Variants in USP9X observed in about 807,000 individuals in gnomAD.
The protein encoded by USP9X is ubiquitin carboxyl-terminal hydrolase 9X.
USP9X carries 7 observed loss-of-function variants against 190.3 expected under a neutral mutation model. The ratio of observed to expected loss-of-function variants is 0.04; its 90% CI spans 0.02 to 0.07. USP9X has a LOEUF of 0.07. Among genes scored for constraint, USP9X ranks in the 10% least tolerant of loss-of-function variants. The pLI, the probability that USP9X is intolerant of heterozygous loss-of-function variation, is 1.00. For missense variants in USP9X, 1,010 were observed against 1,916.9 expected (o/e 0.53, Z 8.83); for synonymous variants, 645 against 659.5 (o/e 0.98, Z 0.34).
chrX:41,150,286 G>A (rs911724912), intron 12 of USP9X, among the ~76,000 whole-genome samples: 1 of 111,689 alleles, frequency 9.0e-6, no homozygotes, highest in African/African-American at 3.2e-5. Flanking sequence ...GGGAAGAGGT[G>A]AAGTAACTGA....
intron 20 of USP9X, 106 bp downstream of exon 20, chrX:41,170,725 T>G (rs1032027460): frequency 1.4e-5 from 11 of 804,383 alleles, no homozygotes; most frequent in African/African-American, 2.1e-5. Flanking sequence ...GCTTACAGTT[T>G]AATGAGACAA....
chrX:41,103,348 A>G (rs2062047966), intron 1 of USP9X, among the ~76,000 whole-genome samples: 1 of 112,393 alleles, frequency 8.9e-6, no homozygotes, highest in Non-Finnish European at 1.9e-5. Context: ...TAGTACATGC[A>G]TTTTTGGATT....
intron 30 of USP9X, among the ~76,000 whole-genome samples, chrX:41,199,603 A>T (rs1270638492): frequency 1.8e-5 from 2 of 110,264 alleles, no homozygotes; most frequent in African/African-American, 6.6e-5. Context: ...CTAATATTGT[A>T]TTTTTAGTAG....
At chrX:41,201,491 A>G (rs1399253434) in intron 31 of USP9X, among the ~76,000 whole-genome samples, 1 of 111,365 alleles carries the variant, frequency 9.0e-6, no homozygotes, top group Non-Finnish European at 1.9e-5. Flanking sequence ...GCAGTGAGCC[A>G]TGATCATGCC....
At chrX:41,119,547 G>A (rs980920339) in intron 1 of USP9X, among the ~76,000 whole-genome samples, 16 of 110,835 alleles carry the variant, frequency 1.4e-4, no homozygotes, top group Admixed American at 2.9e-4. Flanking sequence ...CCTTGGAGAG[G>A]GTATACAATG....
At chrX:41,110,108 C>G (rs1198962807) in intron 1 of USP9X, among the ~76,000 whole-genome samples, 2 of 111,061 alleles carry the variant, frequency 1.8e-5, no homozygotes, top group Non-Finnish European at 3.8e-5. Context: ...TCAAACACCC[C>G]CTCCCCCAGA....
At position 41,152,051 on chromosome X, in the gene USP9X, T is replaced by G. The variant is rs952298627; in HGVS notation, c.1764-897T>G. On this transcript the variant is annotated intron_variant, in intron 13 of 44. Transcript: ENST00000378308. ...AGATTAAATGATTGCCAGGATCCTT[T>G]ACAGCTCTAGATTACTATGATTATA... Among the ~76,000 whole-genome samples the G allele has an allele frequency of 3.6e-5, 4 of 112,294 alleles. No individual in the cohort carries two copies. The East Asian group carries it at 1.1e-3, about 31-fold the overall frequency.
At chrX:41,096,482 G>A (rs189385538) in intron 1 of USP9X, among the ~76,000 whole-genome samples, 4 of 111,559 alleles carry the variant, frequency 3.6e-5, no homozygotes, top group East Asian at 5.6e-4. Flanking sequence ...TCGCTCTGCC[G>A]CCCAGGCTGG....
chrX:41,187,858 G>A, intron 24 of USP9X, 134 bp from the exon 25 acceptor site: 2 of 581,196 alleles, frequency 3.4e-6, no homozygotes, highest in Non-Finnish European at 2.4e-6. Context: ...TAAGACAAAG[G>A]CAACTTGGGA....
chrX:41,132,617 T>C (rs1235963692), intron 4 of USP9X, among the ~76,000 whole-genome samples: 3 of 110,820 alleles, frequency 2.7e-5, no homozygotes, highest in African/African-American at 6.6e-5. Flanking sequence ...CTTTTTTCTT[T>C]CTTTCTTTCT....
At position 41,189,440 on chromosome X, in the gene USP9X, A is replaced by G. The variant is rs190127326; in HGVS notation, c.3942A>G (p.Thr1314=). The G allele has an allele frequency of 1.0e-4, 122 of 1,209,590 alleles. No homozygotes were observed. The highest frequency in any genetic ancestry group is 1.3e-4 in the Non-Finnish European group (116 of 894,775). Residue 1314 remains threonine (T), a synonymous_variant, in exon 26 of 45, where the codon ACA becomes ACG. Transcript: ENST00000378308. ...DALSKEKAWQ[T]FIIDLLLHCH... is the part of the protein sequence containing the mutation. Reference sequence around the variant, plus strand: ...TTAGTAAAGAAAAGGCTTGGCAGACATTCATCATTGACTTACTATTGCACT... The same window carrying G: ...TTAGTAAAGAAAAGGCTTGGCAGACGTTCATCATTGACTTACTATTGCACT...
intron 1 of USP9X, among the ~76,000 whole-genome samples, chrX:41,122,136 G>GT (rs2062195461): frequency 9.1e-6 from 1 of 110,169 alleles, no homozygotes; most frequent in African/African-American, 3.3e-5. Flanking sequence ...GGAGAGAGCG[G>GT]GGATCTTAAC....
At chrX:41,100,491 A>G (rs1036744503) in intron 1 of USP9X, among the ~76,000 whole-genome samples, 7 of 111,753 alleles carry the variant, frequency 6.3e-5, no homozygotes, top group African/African-American at 2.3e-4. Context: ...TCTACTGCAT[A>G]TAAGTTCCTT....
At chrX:41,129,256 T>C in intron 3 of USP9X, 111 bp downstream of exon 3, 3 of 756,217 alleles carry the variant, frequency 4.0e-6, no homozygotes, top group Non-Finnish European at 5.6e-6. Context: ...AACCCATGAT[T>C]CTTAATAGAT....
intron 20 of USP9X, chrX:41,171,618 G>A (rs1317337335): frequency 2.3e-6 from 1 of 442,579 alleles, no homozygotes; most frequent in African/African-American, 2.4e-5. Context: ...AACAGGAGAG[G>A]AGCTATCACA....
intron 38 of USP9X, among the ~76,000 whole-genome samples, chrX:41,222,981 T>C (rs1364770155): frequency 8.9e-6 from 1 of 112,232 alleles, no homozygotes; most frequent in Non-Finnish European, 1.9e-5. Flanking sequence ...ATAGTCACTG[T>C]TGAACAATGT....
chrX:41,164,348 T>G (rs766993597), intron 15 of USP9X, among the ~76,000 whole-genome samples: 1 of 85,377 alleles, frequency 1.2e-5, no homozygotes, highest in East Asian at 4.3e-4. Context: ...AGTGCATTGT[T>G]TTTTTTTTTC....
At chrX:41,197,259 C>T in intron 28 of USP9X, 105 bp from the exon 29 acceptor site, 2 of 531,465 alleles carry the variant, frequency 3.8e-6, no homozygotes, top group Non-Finnish European at 6.0e-6. Context: ...TCTCATATCC[C>T]TCCAGCTCTG....
In USP9X at chrX:41,123,573, T is replaced by C; in HGVS notation, c.-56T>C. 3.8e-6 allele frequency: 4 copies of C among 1,042,495 alleles called. No individual in the cohort carries two copies. Among genetic ancestry groups the C allele is most frequent in the Non-Finnish European group, 5.3e-6 (4 of 749,120 alleles). The allele number at this position is 1,042,495 out of a possible 1,213,427, so 85.9% of individuals were successfully genotyped here. A position where few individuals can be genotyped will look rare whatever the true frequency, so the allele number is the denominator to read the frequency against. On this transcript the variant is annotated 5_prime_UTR_variant, in exon 2 of 45. Coordinates refer to ENST00000378308, the MANE Select transcript of USP9X (RefSeq NM_001039591.3). ...TTCTATAAGTGGACTATAATTTCTTTTCTCAAGACAACTACATAAGCAGAC... is the reference window on the plus strand; with the variant it reads ...TTCTATAAGTGGACTATAATTTCTTCTCTCAAGACAACTACATAAGCAGAC...
Sources: allele counts gnomAD v4.1 joint callset (sites outside exome capture counted in the v4.1 genomes callset), GRCh38; gene constraint gnomAD v4.1.1; transcripts MANE v1.5; gene names NCBI Gene and HGNC (gene_info 2026-07-23, HGNC 2026-07-21).